Variants in STXBP3 observed in about 807,000 individuals in gnomAD.
STXBP3 encodes syntaxin-binding protein 3.
STXBP3 carries 41 observed loss-of-function variants against 85.7 expected under a neutral mutation model. The ratio of observed to expected loss-of-function variants is 0.48; its 90% CI spans 0.37 to 0.62. STXBP3 has a LOEUF of 0.62. Ranked by LOEUF, STXBP3 falls within the 20% of genes least tolerant of loss-of-function variation. STXBP3 has a pLI of 0.00. For synonymous variants in STXBP3, 229 were observed against 231.7 expected (o/e 0.99, Z 0.10); for missense variants, 563 against 703.1 (o/e 0.80, Z 2.25).
At chr1:108,801,047 A>G (rs1009493080) in intron 17 of STXBP3, among the ~76,000 whole-genome samples, 2 of 152,086 alleles carry the variant, frequency 1.3e-5, no homozygotes, top group Admixed American at 1.3e-4. Flanking sequence ...AGGGTTTGAC[A>G]TTGTCCTGTG....
At chr1:108,788,921 C>T (rs570679646) in intron 11 of STXBP3, among the ~76,000 whole-genome samples, 101 of 152,028 alleles carry the variant, frequency 6.6e-4, no homozygotes, top group African/African-American at 2.4e-3. Flanking sequence ...AAAAATTAGC[C>T]GAGCTTGATG....
At chr1:108,801,770 G>A (rs1193334869) in intron 17 of STXBP3, among the ~76,000 whole-genome samples, 1 of 151,940 alleles carries the variant, frequency 6.6e-6, no homozygotes, top group Admixed American at 6.6e-5. Context: ...ATGGGCTCAG[G>A]TGAGCCTCCC....
intron 4 of STXBP3, among the ~76,000 whole-genome samples, chr1:108,757,876 G>T (rs1461321045): frequency 6.6e-6 from 1 of 151,876 alleles, no homozygotes; most frequent in Non-Finnish European, 1.5e-5. Flanking sequence ...TGAAATATAT[G>T]AATAAAATGA....
At position 108,782,508 on chromosome 1, in the gene STXBP3, TTG is replaced by T; in HGVS notation, c.900_901del (p.Leu301ArgfsTer24). On this transcript the variant is annotated frameshift_variant, in exon 10 of 19. Coordinates refer to ENST00000370008, the MANE Select transcript of STXBP3 (RefSeq NM_007269.4). LOFTEE classifies it high-confidence loss of function. ...AGAATTCGACATCGACATATTGCGG[TTG>T]TGTTAGAGTATGTGAACTCATTTTA... 2 of 1,613,460 alleles carry T rather than the reference TTG, an allele frequency of 1.2e-6. No homozygotes were observed. Among genetic ancestry groups the T allele is most frequent in the Non-Finnish European group, 1.7e-6 (2 of 1,179,752 alleles).
chr1:108,799,368 T>G (rs932966131), intron 16 of STXBP3, among the ~76,000 whole-genome samples: 1 of 152,228 alleles, frequency 6.6e-6, no homozygotes, highest in Non-Finnish European at 1.5e-5. Flanking sequence ...AACATATTCC[T>G]AATCAGTTTA....
At chr1:108,755,813 A>G (rs1023342656) in intron 3 of STXBP3, among the ~76,000 whole-genome samples, 2 of 152,220 alleles carry the variant, frequency 1.3e-5, no homozygotes, top group Non-Finnish European at 2.9e-5. Context: ...AAAAAGATTA[A>G]ATTTTTCCTT....
intron 3 of STXBP3, among the ~76,000 whole-genome samples, chr1:108,755,205 G>A (rs1352731222): frequency 6.6e-6 from 1 of 152,120 alleles, no homozygotes; most frequent in Non-Finnish European, 1.5e-5. Context: ...CAGCACTTCG[G>A]GAGGCTGAGG....
chr1:108,776,406 GA>G lies in STXBP3; in HGVS notation c.671del (p.Lys224ArgfsTer3). On this transcript the variant is annotated frameshift_variant, in exon 8 of 19. Transcript: ENST00000370008. LOFTEE classifies it high-confidence loss of function. ...KKLEDYYKID[E>X]KSLIKGKTHS... is the part of the protein sequence containing the mutation. ...GCTTGAAGACTACTACAAGATTGAT[GA>G]AAAGAGCCTAATAAAGGTAATGTAT... 6.2e-7 allele frequency: 1 copy of G among 1,605,734 alleles called. No homozygotes were observed. The highest frequency in any genetic ancestry group is 8.5e-7 in the Non-Finnish European group (1 of 1,175,574).
chr1:108,771,535 A>G (rs1349389394), intron 6 of STXBP3, among the ~76,000 whole-genome samples: 1 of 82,508 alleles, frequency 1.2e-5, no homozygotes, highest in African/African-American at 5.9e-5. Flanking sequence ...ATATATCTAT[A>G]TATATCATAT....
At chr1:108,792,851 A>G (rs766343742) in intron 11 of STXBP3, among the ~76,000 whole-genome samples, 5 of 152,156 alleles carry the variant, frequency 3.3e-5, no homozygotes, top group Non-Finnish European at 7.4e-5. Context: ...TCACTTTTGC[A>G]CTGAGTCCTA....
chr1:108,786,384 T>G (rs1047162219), intron 11 of STXBP3, among the ~76,000 whole-genome samples: 6 of 152,180 alleles, frequency 3.9e-5, no homozygotes, highest in Non-Finnish European at 4.4e-5. Flanking sequence ...CCTTGACGCG[T>G]GGGGATTATT....
intron 17 of STXBP3, among the ~76,000 whole-genome samples, chr1:108,804,299 A>G (rs1267468778): frequency 6.6e-6 from 1 of 152,026 alleles, no homozygotes; most frequent in Admixed American, 6.5e-5. Flanking sequence ...CATCTGCTGT[A>G]TAAGCTGTTT....
chr1:108,770,063 A>G (rs1379609634), intron 6 of STXBP3, among the ~76,000 whole-genome samples: 1 of 152,070 alleles, frequency 6.6e-6, no homozygotes, highest in Non-Finnish European at 1.5e-5. Flanking sequence ...GCCAAGGCGG[A>G]AGGATTGCTT....
At chr1:108,776,703 T>C (rs897678941) in intron 8 of STXBP3, among the ~76,000 whole-genome samples, 8 of 152,176 alleles carry the variant, frequency 5.3e-5, no homozygotes, top group Admixed American at 1.3e-4. Context: ...GGGCAAATTA[T>C]GTAACTTCTA....
chr1:108,778,550 C>T (rs778342528), intron 8 of STXBP3, among the ~76,000 whole-genome samples: 16 of 152,094 alleles, frequency 1.1e-4, no homozygotes, highest in East Asian at 1.9e-4. Flanking sequence ...CATTTCAGAC[C>T]GCAATGCCCT....
At chr1:108,804,010 C>G (rs1663280475) in intron 17 of STXBP3, among the ~76,000 whole-genome samples, 3 of 151,936 alleles carry the variant, frequency 2.0e-5, no homozygotes, top group Admixed American at 6.6e-5. Flanking sequence ...TGTTTTTTGT[C>G]CTCGGTTCTG....
chr1:108,799,342 T>C (rs917764472), intron 16 of STXBP3, among the ~76,000 whole-genome samples: 3 of 152,230 alleles, frequency 2.0e-5, no homozygotes, highest in African/African-American at 7.2e-5. Flanking sequence ...GCTAGTTTTT[T>C]GTTTTTTTGT....
At chr1:108,805,578 C>G (rs1237746417) in intron 17 of STXBP3, among the ~76,000 whole-genome samples, 1 of 152,112 alleles carries the variant, frequency 6.6e-6, no homozygotes, top group Non-Finnish European at 1.5e-5. Context: ...GCATGCGCCA[C>G]CATGCCCAGC....
At chr1:108,770,218 C>T (rs1160262710) in intron 6 of STXBP3, among the ~76,000 whole-genome samples, 6 of 152,010 alleles carry the variant, frequency 3.9e-5, no homozygotes, top group Admixed American at 3.3e-4. Context: ...TCGCTTGAGC[C>T]CAGGACCTCA....
Sources: gnomAD v4.1 joint callset for allele counts (sites outside exome capture counted in the v4.1 genomes callset) on GRCh38, gnomAD v4.1.1 for gene constraint, MANE v1.5 for transcripts, NCBI Gene and HGNC (gene_info 2026-07-23, HGNC 2026-07-21) for gene names.